The following FRYL variants were observed in gnomAD, a reference collection of about 807,000 sequenced individuals.
FRYL encodes the protein FRY like transcription coactivator.
Under a neutral mutation model 351.2 loss-of-function variants are expected in FRYL, and 150 were observed. The ratio of observed to expected loss-of-function variants is 0.43; its 90% CI spans 0.37 to 0.49. The LOEUF (loss-of-function observed/expected upper bound fraction) is 0.49, where lower values mean the gene tolerates loss of function less well. Among genes scored for constraint, FRYL ranks in the 20% least tolerant of loss-of-function variants. FRYL has a pLI of 0.00. For missense variants in FRYL, 3,036 were observed against 3,619.3 expected (o/e 0.84, Z 4.13); for synonymous variants, 1,153 against 1,257.1 (o/e 0.92, Z 1.75).
At chr4:48,619,443 T>C (rs1750206816) in intron 6 of FRYL, 73 bp from the exon 7 acceptor site, 1 of 724,858 alleles carries the variant, frequency 1.4e-6, no homozygotes, top group South Asian at 2.3e-5. Flanking sequence ...TAGTAGCTCA[T>C]GTCGCTTACT....
intron 3 of FRYL, among the ~76,000 whole-genome samples, chr4:48,641,126 A>C (rs1429634203): frequency 6.6e-6 from 1 of 152,192 alleles, no homozygotes; most frequent in East Asian, 1.9e-4. Context: ...CAGACCTTTC[A>C]ACTACCTATC....
intron 35 of FRYL, among the ~76,000 whole-genome samples, chr4:48,554,846 C>T (rs1733733482): frequency 6.6e-6 from 1 of 152,156 alleles, no homozygotes; most frequent in Non-Finnish European, 1.5e-5. Flanking sequence ...GTCTTCAAGC[C>T]CCATCCCCCA....
intron 48 of FRYL, 63 bp downstream of exon 48, chr4:48,535,594 C>CACACAA: frequency 1.1e-6 from 1 of 893,254 alleles, no homozygotes; most frequent in Non-Finnish European, 1.6e-6. Flanking sequence ...CATACACACA[C>CACACAA]ACACACACAC....
chr4:48,608,683 A>T (rs1747362130), intron 9 of FRYL, among the ~76,000 whole-genome samples: 1 of 152,232 alleles, frequency 6.6e-6, no homozygotes. Context: ...GTTCTTTAAA[A>T]AGATTCTAAC....
Position 48,501,711 on chromosome 4 carries a change from A to G in FRYL, c.8504T>C (p.Leu2835Ser). The G allele has an allele frequency of 6.2e-7, 1 of 1,604,456 alleles. No individual in the cohort carries two copies. The highest frequency in any genetic ancestry group is 8.5e-7 in the Non-Finnish European group (1 of 1,171,804). Reference sequence around the variant, plus strand: ...CAGCAATTGAAAATGCAATTTGTATAATCTTCGGCAGAGCTCCAATTCCTA... The same window carrying G: ...CAGCAATTGAAAATGCAATTTGTATGATCTTCGGCAGAGCTCCAATTCCTA... The part of the protein sequence containing the change: ...ILAELELCRR[L>S]YKLHFQLLLL... Residue 2835 changes from leucine to serine, a missense_variant, in exon 62 of 64, where the codon TTA becomes TCA. Physicochemically the swap from Leu to Ser is moderately radical, Grantham distance 145. Transcript: ENST00000358350.
intron 4 of FRYL, among the ~76,000 whole-genome samples, chr4:48,629,917 CAGAGGCATTGCCTTTCTTAG>C (rs1752621872): frequency 6.6e-6 from 1 of 152,182 alleles, no homozygotes. Context: ...ACTTTACCTT[CAGAGGCATTGCCTTTCTTAG>C]GAAAGGGCAA....
intron 2 of FRYL, among the ~76,000 whole-genome samples, chr4:48,710,172 T>C (rs1466955400): frequency 2.0e-5 from 3 of 152,190 alleles, no homozygotes; most frequent in African/African-American, 7.2e-5. Context: ...TAATTTACAA[T>C]TGCCAGGAAG....
chr4:48,772,679 C>CAAAAAAAAAAAAAAAAA (rs33926702), intron 1 of FRYL, among the ~76,000 whole-genome samples: 6 of 50,294 alleles, frequency 1.2e-4, no homozygotes, highest in Non-Finnish European at 1.9e-4. Context: ...AGAGACCTAC[C>CAAAAAAAAAAAAAAAAA]AAAAAAAAAA....
chr4:48,637,752 C>T (rs1303632655), intron 3 of FRYL: 3 of 152,014 alleles, frequency 2.0e-5, no homozygotes, highest in African/African-American at 7.2e-5. Flanking sequence ...AACTAAATAT[C>T]AGTATTTTTG....
intron 1 of FRYL, among the ~76,000 whole-genome samples, chr4:48,767,814 C>A (rs895496374): frequency 7.9e-5 from 12 of 152,162 alleles, no homozygotes; most frequent in African/African-American, 2.9e-4. Flanking sequence ...GCTTCTTCCT[C>A]CAACTTCCTA....
At chr4:48,591,994 T>A (rs1578253873) in intron 16 of FRYL, among the ~76,000 whole-genome samples, 1 of 150,514 alleles carries the variant, frequency 6.6e-6, no homozygotes, top group Non-Finnish European at 1.5e-5. Flanking sequence ...TTATCTCTGA[T>A]CTACACCAGT....
intron 2 of FRYL, 69 bp from the exon 3 acceptor site, chr4:48,684,864 T>G (rs1335143441): frequency 2.0e-5 from 3 of 152,234 alleles, no homozygotes; most frequent in African/African-American, 7.2e-5. Context: ...ACATCCATCC[T>G]TCTGAACACA....
intron 1 of FRYL, among the ~76,000 whole-genome samples, chr4:48,775,853 C>T (rs912015603): frequency 2.8e-4 from 42 of 152,116 alleles, no homozygotes; most frequent in African/African-American, 1.0e-3. Flanking sequence ...CACAAACATA[C>T]TAGTGGCAGC....
intron 11 of FRYL, 91 bp downstream of exon 11, chr4:48,605,650 G>C (rs771995426): frequency 5.9e-6 from 5 of 851,696 alleles, no homozygotes; most frequent in Non-Finnish European, 9.7e-6. Flanking sequence ...TTATTGTCAT[G>C]TAAGTATTTT....
intron 2 of FRYL, among the ~76,000 whole-genome samples, chr4:48,707,557 A>AT (rs1767500932): frequency 6.6e-6 from 1 of 152,194 alleles, no homozygotes; most frequent in African/African-American, 2.4e-5. Flanking sequence ...ATTTTCCATA[A>AT]TAAAAACTTT....
At chr4:48,597,911 T>C (rs972061421) in intron 13 of FRYL, among the ~76,000 whole-genome samples, 2 of 152,186 alleles carry the variant, frequency 1.3e-5, no homozygotes, top group African/African-American at 4.8e-5. Context: ...AATAATAAAA[T>C]CATCCTAAAT....
At chr4:48,667,746 C>T (rs1274879448) in intron 3 of FRYL, among the ~76,000 whole-genome samples, 1 of 152,138 alleles carries the variant, frequency 6.6e-6, no homozygotes, top group Non-Finnish European at 1.5e-5. Context: ...CTCCCAGGTT[C>T]AAGCAATTCT....
intron 3 of FRYL, among the ~76,000 whole-genome samples, chr4:48,656,368 T>C (rs187690736): frequency 0.015 from 2,015 of 132,922 alleles, 53 homozygotes; most frequent in African/African-American, 0.053. Flanking sequence ...TATTATATAA[T>C]ATATACTAAA....
intron 7 of FRYL, among the ~76,000 whole-genome samples, chr4:48,615,454 G>C (rs780872479): frequency 1.3e-5 from 2 of 152,168 alleles, no homozygotes; most frequent in African/African-American, 4.8e-5. Context: ...TCAACTTCTT[G>C]TTTGTTTTAA....
Sources: gnomAD v4.1 joint callset for allele counts (sites outside exome capture counted in the v4.1 genomes callset) on GRCh38, gnomAD v4.1.1 for gene constraint, MANE v1.5 for transcripts, NCBI Gene and HGNC (gene_info 2026-07-23, HGNC 2026-07-21) for gene names.